The following ARHGAP18 variants were observed in gnomAD, a reference collection of about 807,000 sequenced individuals.
ARHGAP18 encodes the protein Rho GTPase activating protein 18.
A neutral mutation model predicts 86.2 loss-of-function variants in ARHGAP18; 67 were observed. The ratio of observed to expected loss-of-function variants is 0.78; its 90% CI spans 0.64 to 0.95. The LOEUF is 0.95. Among genes scored for constraint, ARHGAP18 ranks in the 40% least tolerant of loss-of-function variants. ARHGAP18 has a pLI of 0.00. For synonymous variants in ARHGAP18, 283 were observed against 280.4 expected, an observed-to-expected ratio of 1.01 and a Z score of -0.09; for missense variants, 691 against 780.4, an observed-to-expected ratio of 0.89 and a Z score of 1.37.
At chr6:129,590,966 A>G (rs1032553600) in intron 12 of ARHGAP18, among the ~76,000 whole-genome samples, 4 of 152,238 alleles carry the variant, frequency 2.6e-5, no homozygotes, top group African/African-American at 9.6e-5. Context: ...GAGTTTAACC[A>G]GTATATATAA....
At chr6:129,596,697 C>G (rs969080657) in intron 12 of ARHGAP18, 1 of 152,110 alleles carries the variant, frequency 6.6e-6, no homozygotes, top group African/African-American at 2.4e-5. Context: ...CAATTTCATG[C>G]CCTATAGTTT....
At chr6:129,624,372 T>C (rs60328287) in intron 5 of ARHGAP18, among the ~76,000 whole-genome samples, 10,048 of 151,478 alleles carry the variant, frequency 0.066, 902 homozygotes, top group African/African-American at 0.2. Context: ...CTACTAAAAA[T>C]ATAAAAAATT....
intron 1 of ARHGAP18, among the ~76,000 whole-genome samples, chr6:129,684,741 G>T (rs1029790695): frequency 6.6e-6 from 1 of 152,150 alleles, no homozygotes; most frequent in Non-Finnish European, 1.5e-5. Flanking sequence ...CATATAATCA[G>T]AAGTACACAG....
At chr6:129,604,312 G>A (rs1027240193) in intron 10 of ARHGAP18, among the ~76,000 whole-genome samples, 9 of 151,020 alleles carry the variant, frequency 6.0e-5, no homozygotes, top group African/African-American at 9.7e-5. Flanking sequence ...AAAAGAATAT[G>A]CCTGGGACTT....
chr6:129,626,626 A>C (rs1234534514), intron 5 of ARHGAP18, among the ~76,000 whole-genome samples: 1 of 151,556 alleles, frequency 6.6e-6, no homozygotes, highest in Non-Finnish European at 1.5e-5. Flanking sequence ...CAATAATTTT[A>C]CTGTATAAAA....
chr6:129,581,559 C>A (rs1251323413), intron 13 of ARHGAP18, among the ~76,000 whole-genome samples: 1 of 152,126 alleles, frequency 6.6e-6, no homozygotes, highest in Non-Finnish European at 1.5e-5. Context: ...CAGACTGATT[C>A]TCAAGTACCT....
chr6:129,635,633 T>C (rs1396294270), intron 3 of ARHGAP18, among the ~76,000 whole-genome samples: 1 of 152,204 alleles, frequency 6.6e-6, no homozygotes, highest in East Asian at 1.9e-4. Flanking sequence ...TTATATTTCC[T>C]AGTGTCAGCA....
intron 1 of ARHGAP18, among the ~76,000 whole-genome samples, chr6:129,698,225 A>G (rs1774651836): frequency 6.6e-6 from 1 of 152,206 alleles, no homozygotes; most frequent in South Asian, 2.1e-4. Context: ...CCTAGCAAAG[A>G]CCTTCACTGT....
At position 129,710,162 on chromosome 6, in the gene ARHGAP18, C is replaced by A. The variant is rs572164177; in HGVS notation, c.-26G>T. Reference sequence around the variant, plus strand: ...GGTGAGAGAAGGGACATACTTTCTGCGATCCTGACACAGAGAAGGGGAAAG... The same window carrying A: ...GGTGAGAGAAGGGACATACTTTCTGAGATCCTGACACAGAGAAGGGGAAAG... On this transcript the variant is annotated 5_prime_UTR_variant, in exon 1 of 15. Coordinates refer to ENST00000368149, the MANE Select transcript of ARHGAP18 (RefSeq NM_033515.3). The A allele has an allele frequency of 6.4e-7, 1 of 1,553,616 alleles. No homozygotes were observed. Among genetic ancestry groups the A allele is most frequent in the East Asian group, 2.2e-5 (1 of 44,466 alleles).
intron 7 of ARHGAP18, among the ~76,000 whole-genome samples, chr6:129,614,176 C>T (rs1789043120): frequency 6.6e-6 from 1 of 152,132 alleles, no homozygotes; most frequent in Non-Finnish European, 1.5e-5. Context: ...GTGTCCTTTT[C>T]GGGTATATAA....
At chr6:129,598,231 A>C (rs527807382) in intron 12 of ARHGAP18, among the ~76,000 whole-genome samples, 1 of 152,310 alleles carries the variant, frequency 6.6e-6, no homozygotes, top group East Asian at 1.9e-4. Context: ...GCATATTTAC[A>C]ACTTCTCTTT....
At chr6:129,651,137 TTTC>T (rs1773703430) in intron 1 of ARHGAP18, among the ~76,000 whole-genome samples, 1 of 152,172 alleles carries the variant, frequency 6.6e-6, no homozygotes, top group Admixed American at 6.5e-5. Context: ...TTCTAAGGCA[TTTC>T]TTATTTAATT....
At chr6:129,593,044 G>A (rs1294215939) in intron 12 of ARHGAP18, among the ~76,000 whole-genome samples, 1 of 152,070 alleles carries the variant, frequency 6.6e-6, no homozygotes, top group Non-Finnish European at 1.5e-5. Context: ...CACACCAATA[G>A]GAAGAGGGAA....
intron 1 of ARHGAP18, among the ~76,000 whole-genome samples, chr6:129,655,334 A>AG (rs1773808752): frequency 2.2e-3 from 265 of 121,338 alleles, no homozygotes; most frequent in South Asian, 5.4e-3. Context: ...AAAAAAAAAA[A>AG]AAAAAAAGAA....
chr6:129,643,130 T>A lies in ARHGAP18; in HGVS notation c.114-1112A>T, dbSNP rs957079958. Reference sequence around the variant, plus strand: ...ATATATAATAAAATAATTTTTTGTTTTATTATTATTTATAGAGAAGACCAT... The same window carrying A: ...ATATATAATAAAATAATTTTTTGTTATATTATTATTTATAGAGAAGACCAT... On this transcript the variant is annotated intron_variant, in intron 1 of 14. Coordinates refer to ENST00000368149, the MANE Select transcript of ARHGAP18 (RefSeq NM_033515.3). Among the ~76,000 whole-genome samples the A allele has an allele frequency of 5.9e-5, 9 of 152,134 alleles. No homozygotes were observed. In the South Asian group the frequency reaches 1.9e-3, roughly 31 times the overall value.
intron 1 of ARHGAP18, among the ~76,000 whole-genome samples, chr6:129,693,903 A>G (rs1489942372): frequency 1.4e-5 from 2 of 141,944 alleles, no homozygotes; most frequent in Non-Finnish European, 3.3e-5. Flanking sequence ...CCCCAGTTAT[A>G]CGAACAGCTG....
intron 5 of ARHGAP18, 120 bp downstream of exon 5, chr6:129,629,233 G>GTCTC (rs376556800): frequency 2.9e-4 from 201 of 702,252 alleles, no homozygotes; most frequent in African/African-American, 2.6e-3. Flanking sequence ...CTGTCTGTCT[G>GTCTC]TCTCTCTCTC....
chr6:129,604,240 C>T (rs1356907870), intron 10 of ARHGAP18, among the ~76,000 whole-genome samples: 2 of 149,450 alleles, frequency 1.3e-5, no homozygotes, highest in East Asian at 4.2e-4. Context: ...TTTCCGATAG[C>T]CTCATACACA....
intron 10 of ARHGAP18, among the ~76,000 whole-genome samples, chr6:129,603,451 T>G (rs1195829199): frequency 6.6e-6 from 1 of 152,158 alleles, no homozygotes; most frequent in Non-Finnish European, 1.5e-5. Flanking sequence ...ATTTACTTTA[T>G]CACTGGCCTG....
Sources: allele counts gnomAD v4.1 joint callset (sites outside exome capture counted in the v4.1 genomes callset), GRCh38; gene constraint gnomAD v4.1.1; transcripts MANE v1.5; gene names NCBI Gene and HGNC (gene_info 2026-07-23, HGNC 2026-07-21).